Variants in HPSE2 observed in about 807,000 individuals in gnomAD.
HPSE2 encodes heparanase 2 (inactive), also known as inactive heparanase-2.
Under a neutral mutation model 60.5 loss-of-function variants are expected in HPSE2, and 38 were observed. The observed-to-expected ratio is 0.63, with a 90% confidence interval of 0.48 to 0.82. The LOEUF (loss-of-function observed/expected upper bound fraction) is 0.82, where lower values mean the gene tolerates loss of function less well. Among genes scored for constraint, HPSE2 ranks in the 40% least tolerant of loss-of-function variants. HPSE2 has a pLI of 0.00. For synonymous variants in HPSE2, 295 were observed against 293.2 expected (o/e 1.01, Z -0.06); for missense variants, 713 against 740.4 (o/e 0.96, Z 0.43).
chr10:98,855,329 G>A (rs1417561241), intron 3 of HPSE2, among the ~76,000 whole-genome samples: 1 of 152,104 alleles, frequency 6.6e-6, no homozygotes, highest in African/African-American at 2.4e-5. Context: ...GGGTGTGTGG[G>A]GATTGTGGAT....
chr10:99,303,213 C>T, the HPSE2 span, among the ~76,000 whole-genome samples: 2 of 152,152 alleles, frequency 1.3e-5, no homozygotes, highest in African/African-American at 4.8e-5. Flanking sequence ...AAAGTTCTGT[C>T]GGAAGATCTC....
At chr10:98,724,053 T>A (rs1452231835) in intron 4 of HPSE2, among the ~76,000 whole-genome samples, 1 of 152,224 alleles carries the variant, frequency 6.6e-6, no homozygotes, top group Admixed American at 6.5e-5. Flanking sequence ...TTAATTGGGA[T>A]GTTAGGGTGT....
intron 2 of HPSE2, among the ~76,000 whole-genome samples, chr10:99,191,475 C>T (rs1200205798): frequency 6.6e-6 from 1 of 152,192 alleles, no homozygotes; most frequent in African/African-American, 2.4e-5. Flanking sequence ...AGAGTCTCTG[C>T]CTAATCCAGT....
intron 6 of HPSE2, among the ~76,000 whole-genome samples, chr10:98,661,069 C>T (rs1348247452): frequency 6.6e-6 from 1 of 152,118 alleles, no homozygotes; most frequent in East Asian, 1.9e-4. Context: ...AGCCTTCCTC[C>T]CAGGGTGTAT....
chr10:98,620,508 A>T, intron 8 of HPSE2, 94 bp downstream of exon 8: 2 of 870,684 alleles, frequency 2.3e-6, no homozygotes, highest in Non-Finnish European at 1.9e-6. Context: ...AACATGCCTC[A>T]CCCCTAGGAT....
intron 3 of HPSE2, among the ~76,000 whole-genome samples, chr10:98,908,046 G>A (rs933710239): frequency 6.6e-6 from 1 of 152,142 alleles, no homozygotes; most frequent in Non-Finnish European, 1.5e-5. Context: ...ATACCAAAGT[G>A]AAAGCATAAG....
intron 11 of HPSE2, among the ~76,000 whole-genome samples, chr10:98,467,951 C>G (rs1217022151): frequency 1.3e-5 from 2 of 152,204 alleles, no homozygotes; most frequent in African/African-American, 2.4e-5. Flanking sequence ...GCGGGGTCTG[C>G]GGCGCCCGCC....
chr10:98,601,902 C>A (rs967631229), intron 9 of HPSE2, among the ~76,000 whole-genome samples: 7 of 152,170 alleles, frequency 4.6e-5, no homozygotes, highest in African/African-American at 1.7e-4. Flanking sequence ...GGGCTTGAAG[C>A]AGCAAAGGCA....
intron 3 of HPSE2, among the ~76,000 whole-genome samples, chr10:98,914,983 C>T (rs1246615618): frequency 1.3e-5 from 2 of 151,484 alleles, no homozygotes; most frequent in Admixed American, 6.6e-5. Flanking sequence ...ATAATCTCAA[C>T]CATTTAGAAA....
rs1477171085 is a variant in HPSE2 at position 99,155,819 on chromosome 10, G to A, written c.449-11420C>T. ...AAAAAATTAATGAATCCAGGAGCTG[G>A]TTTTTTGAAAGGATCAACAAAATTG... On this transcript the variant is annotated intron_variant, in intron 2 of 11. Transcript: ENST00000370552. 2.0e-5 allele frequency among the ~76,000 whole-genome samples: 3 copies of A among 150,672 alleles called. No homozygotes were observed. The South Asian group carries it at 6.3e-4, about 32-fold the overall frequency.
intron 3 of HPSE2, among the ~76,000 whole-genome samples, chr10:98,855,848 C>T (rs1194487585): frequency 1.3e-5 from 2 of 152,038 alleles, no homozygotes; most frequent in African/African-American, 4.8e-5. Flanking sequence ...GAAGGAAGAC[C>T]CTCTTTTCAG....
chr10:99,234,730 C>G (rs1002757596), intron 1 of HPSE2, among the ~76,000 whole-genome samples: 5 of 151,988 alleles, frequency 3.3e-5, no homozygotes, highest in African/African-American at 1.2e-4. Context: ...CCGAAGCCTC[C>G]CTGGAGTATT....
rs562887719 is a variant in HPSE2 at position 98,458,709 on chromosome 10, CT to C, written c.*864del. 2.4e-3 allele frequency: 361 copies of C among 152,428 alleles called. 2 individuals carry two copies. Among genetic ancestry groups the C allele is most frequent in the Middle Eastern group, 6.8e-3 (2 of 296 alleles). The allele number at this position is 152,428 out of a possible 1,614,324, so 9.4% of individuals were successfully genotyped here. On this transcript the variant is annotated 3_prime_UTR_variant, in exon 12 of 12. Transcript: ENST00000370552. Reference sequence around the variant, plus strand: ...GTCCAGTTGGGGTGTGTGTGTGTACCTGATGTTTCAGTATGCTTTCTCTTTG... The same window carrying C: ...GTCCAGTTGGGGTGTGTGTGTGTACCGATGTTTCAGTATGCTTTCTCTTTG...
intron 2 of HPSE2, among the ~76,000 whole-genome samples, chr10:99,202,998 G>A (rs1362953264): frequency 6.6e-6 from 1 of 152,124 alleles, no homozygotes; most frequent in East Asian, 1.9e-4. Context: ...CCTCAGTAAA[G>A]TCCAGTGCTG....
intron 11 of HPSE2, among the ~76,000 whole-genome samples, chr10:98,471,173 G>A (rs1414621616): frequency 6.6e-6 from 1 of 152,176 alleles, no homozygotes; most frequent in African/African-American, 2.4e-5. Context: ...AATCTAATCT[G>A]GGAAAAATCG....
At chr10:99,153,431 T>G (rs1846372747) in intron 2 of HPSE2, among the ~76,000 whole-genome samples, 1 of 152,220 alleles carries the variant, frequency 6.6e-6, no homozygotes, top group Non-Finnish European at 1.5e-5. Flanking sequence ...CCTCCTCAAG[T>G]GGGTCCCTGA....
At chr10:98,849,016 CA>C (rs10717237) in intron 3 of HPSE2, among the ~76,000 whole-genome samples, 36,947 of 140,146 alleles carry the variant, frequency 0.26, 4,892 homozygotes, top group African/African-American at 0.38. Context: ...GTGGGAAAGA[CA>C]AAAAAAAAAA....
chr10:98,567,242 G>C (rs754699167), intron 9 of HPSE2, among the ~76,000 whole-genome samples: 3 of 152,216 alleles, frequency 2.0e-5, no homozygotes, highest in Admixed American at 6.5e-5. Context: ...TGAAGGAAGA[G>C]AGAGAAGGGC....
At chr10:98,585,072 T>A (rs922235845) in intron 9 of HPSE2, among the ~76,000 whole-genome samples, 2 of 152,144 alleles carry the variant, frequency 1.3e-5, no homozygotes, top group African/African-American at 4.8e-5. Flanking sequence ...ATCTACCTAC[T>A]CAATCCCCCC....
Sources: gnomAD v4.1 joint callset for allele counts (sites outside exome capture counted in the v4.1 genomes callset) on GRCh38, gnomAD v4.1.1 for gene constraint, MANE v1.5 for transcripts, NCBI Gene and HGNC (gene_info 2026-07-23, HGNC 2026-07-21) for gene names.